Variants in OCA2 observed in about 807,000 individuals in gnomAD.
OCA2 encodes the protein P protein.
In OCA2, 77 loss-of-function variants were observed where a neutral mutation model predicts 100.2. That is an observed-to-expected ratio of 0.77 (90% CI 0.64 to 0.93). OCA2 has a LOEUF of 0.93. OCA2 is among the 40% of genes least tolerant of loss of function. OCA2 has a pLI of 0.00. For synonymous variants in OCA2, 432 were observed against 439.2 expected (o/e 0.98, Z 0.21); for missense variants, 1,062 against 1,089.1 (o/e 0.98, Z 0.35).
chr15:28,015,003 C>T, intron 8 of OCA2, 74 bp from the exon 9 acceptor site: 1 of 1,490,004 alleles, frequency 6.7e-7, no homozygotes, highest in Non-Finnish European at 9.3e-7. Context: ...TCAGCCATGG[C>T]ATTAACCAGA....
chr15:28,020,252 T>C (rs1372297042), intron 6 of OCA2, among the ~76,000 whole-genome samples: 1 of 152,000 alleles, frequency 6.6e-6, no homozygotes, highest in Non-Finnish European at 1.5e-5. Context: ...GCAAAATGCC[T>C]TAGAATAAAG....
At chr15:28,020,002 G>A (rs986943379) in intron 6 of OCA2, among the ~76,000 whole-genome samples, 5 of 152,190 alleles carry the variant, frequency 3.3e-5, no homozygotes, top group Non-Finnish European at 5.9e-5. Flanking sequence ...GTGACCCACT[G>A]CGCTGGAGGA....
At chr15:27,922,581 T>C (rs1419679167) in intron 19 of OCA2, among the ~76,000 whole-genome samples, 1 of 152,234 alleles carries the variant, frequency 6.6e-6, no homozygotes, top group Non-Finnish European at 1.5e-5. Flanking sequence ...TAACTTTTTA[T>C]AATAGATTTG....
At chr15:27,779,240 C>T (rs2032408510) in intron 23 of OCA2, among the ~76,000 whole-genome samples, 1 of 152,124 alleles carries the variant, frequency 6.6e-6, no homozygotes. Flanking sequence ...GAATGTTGCT[C>T]CTGGGTTGAA....
In OCA2 at chr15:27,954,830, G is replaced by A. The variant is rs189598169; in HGVS notation, c.1842+328C>T. ...AGCATGCCTTGCCGGTCTCCCCTCCGCAAAGTGTGAACCTTGGGCCTGCCC... is the reference window on the plus strand; with the variant it reads ...AGCATGCCTTGCCGGTCTCCCCTCCACAAAGTGTGAACCTTGGGCCTGCCC... On this transcript the variant is annotated intron_variant, in intron 17 of 23. Transcript: ENST00000354638. Among the ~76,000 whole-genome samples, 183 of 152,274 alleles carry A rather than the reference G, an allele frequency of 1.2e-3. 1 individual carries two copies. Among genetic ancestry groups the A allele is most frequent in the African/African-American group, 3.8e-3 (157 of 41,556 alleles).
At chr15:27,762,696 G>A (rs1414307564) in intron 23 of OCA2, among the ~76,000 whole-genome samples, 2 of 152,122 alleles carry the variant, frequency 1.3e-5, no homozygotes, top group African/African-American at 4.8e-5. Flanking sequence ...ACTCCCCTCA[G>A]GGTGTCAGCC....
At chr15:28,092,034 T>C (rs369053201) in intron 1 of OCA2, among the ~76,000 whole-genome samples, 36 of 152,284 alleles carry the variant, frequency 2.4e-4, no homozygotes, top group African/African-American at 8.7e-4. Context: ...GTGGATTATT[T>C]GACAATAAAA....
chr15:27,859,740 T>C (rs560959144), intron 21 of OCA2, among the ~76,000 whole-genome samples: 44 of 152,270 alleles, frequency 2.9e-4, no homozygotes, highest in African/African-American at 8.9e-4. Flanking sequence ...CAGATCAATG[T>C]TCCTGATGAA....
chr15:27,726,877 T>G, the OCA2 span, among the ~76,000 whole-genome samples: 1 of 152,262 alleles, frequency 6.6e-6, no homozygotes. Flanking sequence ...CTCCATTACA[T>G]GCAGGGGAAC....
chr15:28,012,655 TAAATGAC>T (rs887669524), intron 9 of OCA2, among the ~76,000 whole-genome samples: 1 of 152,226 alleles, frequency 6.6e-6, no homozygotes, highest in African/African-American at 2.4e-5. Flanking sequence ...AGGTTTTTTC[TAAATGAC>T]AAATAATACT....
intron 19 of OCA2, chr15:27,896,134 C>T: frequency 9.9e-7 from 1 of 1,007,646 alleles, no homozygotes. Flanking sequence ...TATATGGATG[C>T]AGGCCTTGCC....
intron 4 of OCA2, among the ~76,000 whole-genome samples, chr15:28,025,329 ATAACT>A (rs571846419): frequency 2.0e-5 from 3 of 152,324 alleles, no homozygotes; most frequent in South Asian, 2.1e-4. Flanking sequence ...ACAAAAACAA[ATAACT>A]TAAGAAAGAA....
chr15:27,735,024 A>T, the OCA2 span, among the ~76,000 whole-genome samples: 19 of 152,320 alleles, frequency 1.2e-4, no homozygotes, highest in African/African-American at 4.1e-4. Context: ...AAAAATGAAG[A>T]TATATGAACT....
intron 19 of OCA2, among the ~76,000 whole-genome samples, chr15:27,888,542 T>C (rs75822776): frequency 0.016 from 2,372 of 152,066 alleles, 55 homozygotes; most frequent in African/African-American, 0.05. Flanking sequence ...CAACAATCAG[T>C]TAACAACTTC....
intron 23 of OCA2, among the ~76,000 whole-genome samples, chr15:27,830,035 G>A (rs947319803): frequency 1.3e-5 from 2 of 152,002 alleles, no homozygotes; most frequent in Admixed American, 6.6e-5. Context: ...AATAATAATT[G>A]GCTTTTTAAT....
chr15:27,890,159 T>C (rs1306205629), intron 19 of OCA2, among the ~76,000 whole-genome samples: 1 of 152,138 alleles, frequency 6.6e-6, no homozygotes, highest in Non-Finnish European at 1.5e-5. Flanking sequence ...AAGGAGAAAA[T>C]ATATTTTTTT....
At chr15:28,033,602 A>C (rs973505916) in intron 2 of OCA2, among the ~76,000 whole-genome samples, 11 of 152,186 alleles carry the variant, frequency 7.2e-5, no homozygotes, top group Admixed American at 6.5e-5. Context: ...CTTCCCATGG[A>C]GAACACAGGT....
intron 23 of OCA2, among the ~76,000 whole-genome samples, chr15:27,802,382 ATTTG>A (rs892922681): frequency 3.3e-5 from 5 of 152,118 alleles, no homozygotes; most frequent in African/African-American, 1.2e-4. Flanking sequence ...CCCTCTCTCT[ATTTG>A]TTCTATAGAT....
intron 23 of OCA2, among the ~76,000 whole-genome samples, chr15:27,816,898 G>GTGATTGA (rs2034324152): frequency 6.6e-6 from 1 of 152,126 alleles, no homozygotes; most frequent in Non-Finnish European, 1.5e-5. Context: ...GCCCTCCGGA[G>GTGATTGA]CCACCCACTG....
Sources: allele counts gnomAD v4.1 joint callset (sites outside exome capture counted in the v4.1 genomes callset), GRCh38; gene constraint gnomAD v4.1.1; transcripts MANE v1.5; gene names NCBI Gene and HGNC (gene_info 2026-07-23, HGNC 2026-07-21).